PCNX4: variants seen among roughly 807,000 people sequenced by gnomAD.
The protein encoded by PCNX4 is pecanex 4, also known as pecanex-like protein 4.
A neutral mutation model predicts 107.2 loss-of-function variants in PCNX4; 103 were observed. The observed-to-expected ratio is 0.96, with a 90% CI of 0.82 to 1.13. The LOEUF (loss-of-function observed/expected upper bound fraction) is 1.13. PCNX4 is among the 50% of genes most tolerant of loss of function. The probability of loss-of-function intolerance (pLI) is 0.00; values close to 1 mark genes in which losing one functional copy is unlikely to be tolerated. For missense variants in PCNX4, 1,528 were observed against 1,379.4 expected, an observed-to-expected ratio of 1.11 and a Z score of -1.71; for synonymous variants, 541 against 481.7, an observed-to-expected ratio of 1.12 and a Z score of -1.61.
rs76330971 is a variant in PCNX4, at chr14:60,134,618, T to C, written c.*397T>C. The C allele has an allele frequency of 6.5e-3, 1,086 of 166,628 alleles. 9 individuals carry two copies. The highest frequency in any genetic ancestry group is 0.024 in the African/African-American group (1,017 of 41,818). The allele number at this position is 166,628 out of a possible 1,614,324, so 10.3% of individuals were successfully genotyped here. A position where few individuals can be genotyped will look rare whatever the true frequency, so the allele number is the denominator to read the frequency against. On this transcript the variant is annotated 3_prime_UTR_variant, in exon 11 of 11. Coordinates refer to ENST00000406854, the MANE Select transcript of PCNX4 (RefSeq NM_001330177.2). ...ATAAACATATCAGTGTTCTAAGTAG[T>C]GATAATGGATCCTGTTGAAGGTTAA...
chr14:60,116,826 A>G (rs1026575941), intron 6 of PCNX4, among the ~76,000 whole-genome samples: 2 of 152,178 alleles, frequency 1.3e-5, no homozygotes, highest in African/African-American at 4.8e-5. Flanking sequence ...TTTCCAGTGG[A>G]ACAAGATGTG....
At chr14:60,109,978 A>C (rs890391755) in intron 2 of PCNX4, 2 of 167,086 alleles carry the variant, frequency 1.2e-5, no homozygotes, top group Non-Finnish European at 2.9e-5. Flanking sequence ...GAAAGGAGAG[A>C]GATGGATTGA....
intron 4 of PCNX4, 74 bp from the exon 5 acceptor site, chr14:60,115,645 A>G: frequency 1.4e-6 from 2 of 1,417,254 alleles, no homozygotes; most frequent in South Asian, 1.3e-5. Context: ...AAAAATGTGT[A>G]TTTGCCAGAA....
chr14:60,107,729 A>G lies in PCNX4; in HGVS notation c.91A>G (p.Lys31Glu). 6.2e-7 allele frequency: 1 copy of G among 1,612,782 alleles called. No individual in the cohort carries two copies. The highest frequency in any genetic ancestry group is 8.5e-7 in the Non-Finnish European group (1 of 1,179,808). Reference sequence around the variant, plus strand: ...GACTGTTCTTGGAGGCCCTCGATTCAAATTAGGCTATTGTGCCCCTCCTTA... The same window carrying G: ...GACTGTTCTTGGAGGCCCTCGATTCGAATTAGGCTATTGTGCCCCTCCTTA... ...PQTVLGGPRF[K>E]LGYCAPPYIY... The change falls in exon 2 of 11, where the codon AAA becomes GAA. Residue 31 changes from lysine (K) to glutamate (E), a missense_variant. By Grantham distance (56) the Lys-to-Glu change is moderately conservative. Transcript: ENST00000406854.
chr14:60,120,204 A>G (rs1348586599), intron 7 of PCNX4, among the ~76,000 whole-genome samples: 1 of 152,242 alleles, frequency 6.6e-6, no homozygotes, highest in Non-Finnish European at 1.5e-5. Context: ...AGTTGCACAG[A>G]GTTGCACAGA....
Position 60,138,538 on chromosome 14 carries a change from A to T in PCNX4, c.*4317A>T, listed in dbSNP as rs1896268254. 1 of 152,256 alleles carries T rather than the reference A, an allele frequency of 6.6e-6. No homozygotes were observed. Among genetic ancestry groups the T allele is most frequent in the Admixed American group, 6.5e-5 (1 of 15,282 alleles). The allele number at this position is 152,256 out of a possible 1,614,324, so 9.4% of individuals were successfully genotyped here. A position where few individuals can be genotyped will look rare whatever the true frequency, so the allele number is the denominator to read the frequency against. Reference sequence around the variant, plus strand: ...TTATTAAACTGACAGCTAACTTCTCAACAGAAAATATGGGAAGCAGAAATC... The same window carrying T: ...TTATTAAACTGACAGCTAACTTCTCTACAGAAAATATGGGAAGCAGAAATC... On this transcript the variant is annotated 3_prime_UTR_variant, in exon 11 of 11. Coordinates refer to ENST00000406854, the MANE Select transcript of PCNX4 (RefSeq NM_001330177.2).
intron 1 of PCNX4, among the ~76,000 whole-genome samples, chr14:60,092,920 CT>C (rs2140522999): frequency 6.6e-6 from 1 of 152,344 alleles, no homozygotes; most frequent in South Asian, 2.1e-4. Context: ...GTTATCTGCT[CT>C]GTATCCATCA....
In PCNX4 at chr14:60,145,143, G is replaced by T; in HGVS notation, c.*10922G>T. ...TATTAAGAATCTTTACAAAAGTTCA[G>T]AAACTGCTTAAATTAGAATTTAAAA... is the stretch of plus-strand genomic sequence containing the variant. On this transcript the variant is annotated 3_prime_UTR_variant, in exon 11 of 11. Transcript: ENST00000406854. This position sits in a 1 kb window ranked among gnomAD's most constrained non-coding sequence, Gnocchi z 4.0. 1.6e-6 allele frequency: 1 copy of T among 606,522 alleles called. No homozygotes were observed. Among genetic ancestry groups the T allele is most frequent in the East Asian group, 3.0e-5 (1 of 33,148 alleles). 37.6% of individuals were successfully genotyped at this position (606,522 alleles called of 1,614,324 possible). A position where few individuals can be genotyped will look rare whatever the true frequency, so the allele number is the denominator to read the frequency against.
In PCNX4 at chr14:60,118,449, A is replaced by G. The variant is rs1233307490; in HGVS notation, c.1699A>G (p.Ile567Val). The change falls in exon 7 of 11, where the codon ATA (isoleucine) becomes GTA (valine). Residue 567 changes from isoleucine to valine, a missense_variant. Transcript: ENST00000406854. ...TCGAAAAACAACTGCCACTTTATGT[A>G]TACTCAACATTGTCTTTTCTCCATT... ...QRRKTTATLC[I>V]LNIVFSPFVL... The G allele has an allele frequency of 6.2e-6, 10 of 1,613,770 alleles. No homozygotes were observed. Among genetic ancestry groups the G allele is most frequent in the South Asian group, 2.2e-5 (2 of 91,068 alleles).
rs898905045 is a variant in PCNX4, at chr14:60,122,107, A to G, written c.2046+808A>G. On this transcript the variant is annotated intron_variant, in intron 8 of 10. Coordinates refer to ENST00000406854, the MANE Select transcript of PCNX4 (RefSeq NM_001330177.2). ...CACGCCCAGTCCGACAAGAAATCCT[A>G]TGGGCTCCACCTGTAAACCATATTC... 4.6e-5 allele frequency among the ~76,000 whole-genome samples: 7 copies of G among 152,074 alleles called. No individual in the cohort carries two copies. In the South Asian group the frequency reaches 6.2e-4, roughly 13 times the overall value.
intron 8 of PCNX4, among the ~76,000 whole-genome samples, chr14:60,122,657 T>C (rs1035191747): frequency 2.0e-5 from 3 of 152,160 alleles, no homozygotes; most frequent in South Asian, 4.1e-4. Flanking sequence ...AATTTACTTA[T>C]TAGTTTTACT....
chr14:60,117,778 A>G (rs1298556702), intron 6 of PCNX4, among the ~76,000 whole-genome samples: 4 of 152,190 alleles, frequency 2.6e-5, no homozygotes, highest in African/African-American at 4.8e-5. Flanking sequence ...GAAGTGTTCC[A>G]TACTCTTCTA....
At chr14:60,093,465 C>G (rs219297) in intron 1 of PCNX4, among the ~76,000 whole-genome samples, 114,201 of 152,140 alleles carry the variant, frequency 0.75, 44,888 homozygotes, top group Non-Finnish European at 0.87. Context: ...AATATGTGGC[C>G]TTTTGTAACG....
chr14:60,123,408 G>A (rs1895990440), intron 8 of PCNX4, among the ~76,000 whole-genome samples: 1 of 152,010 alleles, frequency 6.6e-6, no homozygotes, highest in Non-Finnish European at 1.5e-5. Context: ...AGAGAGGGTA[G>A]GTGACCTGCT....
In PCNX4 at chr14:60,104,318, C is replaced by CAA. The variant is rs200434027; in HGVS notation, c.-53-3240_-53-3239dup. Among the ~76,000 whole-genome samples, 302 of 129,458 alleles carry CAA rather than the reference C, an allele frequency of 2.3e-3. 8 individuals are homozygous for CAA. The highest frequency in any genetic ancestry group is 9.8e-3 in the African/African-American group (279 of 28,326). 84.9% of individuals were successfully genotyped at this position (129,458 alleles called of 152,430 possible). A position where few individuals can be genotyped will look rare whatever the true frequency, so the allele number is the denominator to read the frequency against. On this transcript the variant is annotated intron_variant, in intron 1 of 10. Coordinates refer to ENST00000406854, the MANE Select transcript of PCNX4 (RefSeq NM_001330177.2). ...TGGGTGACAGAGCAAGACTCCATCT[C>CAA]AAAAAAAAAAAAAAAAAAAAAAAAA...
At chr14:60,092,673 G>A (rs969789224) in intron 1 of PCNX4, among the ~76,000 whole-genome samples, 1 of 152,184 alleles carries the variant, frequency 6.6e-6, no homozygotes, top group Non-Finnish European at 1.5e-5. Context: ...GTTTCTAAGA[G>A]ACTCGTACGA....
chr14:60,111,785 T>TACAAATCTTAAA (rs1895745102), intron 2 of PCNX4, among the ~76,000 whole-genome samples: 1 of 152,204 alleles, frequency 6.6e-6, no homozygotes, highest in Non-Finnish European at 1.5e-5. Context: ...ATTTGATAAT[T>TACAAATCTTAAA]ACAAAGAGTT....
intron 1 of PCNX4, among the ~76,000 whole-genome samples, chr14:60,103,772 A>G (rs1045224032): frequency 6.6e-6 from 1 of 152,160 alleles, no homozygotes; most frequent in East Asian, 1.9e-4. Context: ...TGGACTTCTG[A>G]CATCTTAAAA....
chr14:60,122,795 T>C (rs538359321), intron 8 of PCNX4, among the ~76,000 whole-genome samples: 1 of 152,106 alleles, frequency 6.6e-6, no homozygotes, highest in Admixed American at 6.6e-5. Flanking sequence ...AACAAATGTT[T>C]TGTTTTGTTT....
Sources: allele counts gnomAD v4.1 joint callset (sites outside exome capture counted in the v4.1 genomes callset), GRCh38; gene constraint gnomAD v4.1.1; non-coding constraint Gnocchi (gnomAD v3.1); transcripts MANE v1.5; gene names NCBI Gene and HGNC (gene_info 2026-07-23, HGNC 2026-07-21).